Variants in CGNL1 observed in about 807,000 individuals in gnomAD.
CGNL1 encodes the protein cingulin like 1, also known as cingulin-like protein 1.
Under a neutral mutation model 141.2 loss-of-function variants are expected in CGNL1, and 132 were observed. The ratio of observed to expected loss-of-function variants is 0.93; its 90% CI spans 0.81 to 1.08. The LOEUF (loss-of-function observed/expected upper bound fraction) is 1.08, where lower values mean the gene tolerates loss of function less well. Ranked by LOEUF, CGNL1 falls within the 50% of genes least tolerant of loss-of-function variation. CGNL1 has a pLI of 0.00. For synonymous variants in CGNL1, 690 were observed against 622.1 expected, an observed-to-expected ratio of 1.11 and a Z score of -1.63; for missense variants, 1,870 against 1,588.6, an observed-to-expected ratio of 1.18 and a Z score of -3.01.
chr15:57,546,763 G>A (rs184647556), intron 18 of CGNL1, among the ~76,000 whole-genome samples: 135 of 152,232 alleles, frequency 8.9e-4, no homozygotes, highest in African/African-American at 2.9e-3. Flanking sequence ...GTCTCTCCCC[G>A]GGGTATGAGG....
rs371383994 is a variant in CGNL1, at chr15:57,546,073, C to T, written c.3610-3C>T. 6.2e-7 allele frequency: 1 copy of T among 1,611,556 alleles called. No individual in the cohort carries two copies. On this transcript the variant is annotated splice_polypyrimidine_tract_variant and splice_region_variant and intron_variant, in intron 17 of 18. Transcript: ENST00000281282. ...ACTCAGCCCACATTCTCTCCCGGTG[C>T]AGCTGAGCTTGCGTTTGAAAGCCAT...
chr15:57,521,395 A>C (rs1375506189), intron 10 of CGNL1, among the ~76,000 whole-genome samples: 2 of 152,198 alleles, frequency 1.3e-5, no homozygotes, highest in Non-Finnish European at 2.9e-5. Flanking sequence ...TTTTAAGTAC[A>C]GACACCCCAT....
chr15:57,476,728 A>G (rs1462730378), intron 8 of CGNL1, among the ~76,000 whole-genome samples: 1 of 152,252 alleles, frequency 6.6e-6, no homozygotes, highest in East Asian at 1.9e-4. Context: ...AGTCATCTCT[A>G]GGGAACAGAA....
intron 8 of CGNL1, 22 bp from the exon 9 acceptor site, chr15:57,516,758 A>G: frequency 1.9e-6 from 3 of 1,611,824 alleles, no homozygotes; most frequent in Middle Eastern, 3.4e-4. Flanking sequence ...CTCCTTGTTC[A>G]TTTGCTTTGT....
intron 8 of CGNL1, among the ~76,000 whole-genome samples, chr15:57,513,560 G>C (rs143762938): frequency 6.6e-6 from 1 of 151,754 alleles, no homozygotes; most frequent in Non-Finnish European, 1.5e-5. Flanking sequence ...CACTCTTGTC[G>C]CCCAGCCTGG....
chr15:57,457,285 G>T (rs1306628586), intron 7 of CGNL1, among the ~76,000 whole-genome samples: 1 of 152,144 alleles, frequency 6.6e-6, no homozygotes, highest in African/African-American at 2.4e-5. Flanking sequence ...ATACATTGCC[G>T]TTCTCGACAT....
Position 57,550,540 on chromosome 15 carries a change from T to G in CGNL1, c.*3050T>G, listed in dbSNP as rs773958262. ...TGTATCTTTTATGGTTTTTCCTGCT[T>G]CTGAGTGTCGTTCTACAATGCCCGT... On this transcript the variant is annotated 3_prime_UTR_variant, in exon 19 of 19. Transcript: ENST00000281282. The G allele has an allele frequency of 5.9e-5, 9 of 152,622 alleles. No individual in the cohort carries two copies. Among genetic ancestry groups the G allele is most frequent in the African/African-American group, 1.4e-4 (6 of 41,446 alleles). The allele number at this position is 152,622 out of a possible 1,614,324, so 9.5% of individuals were successfully genotyped here. A position where few individuals can be genotyped will look rare whatever the true frequency, so the allele number is the denominator to read the frequency against.
intron 1 of CGNL1, among the ~76,000 whole-genome samples, chr15:57,431,303 TC>T (rs1326153435): frequency 3.3e-5 from 5 of 152,220 alleles, no homozygotes; most frequent in African/African-American, 1.2e-4. Flanking sequence ...GAAATTGTTT[TC>T]CCAGGGAGTT....
At chr15:57,405,729 G>T (rs1199400173) in intron 1 of CGNL1, among the ~76,000 whole-genome samples, 1 of 119,650 alleles carries the variant, frequency 8.4e-6, no homozygotes, top group Non-Finnish European at 1.7e-5. Flanking sequence ...CAGAAGGTGT[G>T]GACCTTTTCT....
At chr15:57,524,878 C>T (rs2031515605) in intron 12 of CGNL1, 127 bp downstream of exon 12, 3 of 941,048 alleles carry the variant, frequency 3.2e-6, no homozygotes, top group Non-Finnish European at 4.7e-6. Context: ...CTTCATTCTT[C>T]ACCTTCTGGA....
At chr15:57,457,671 G>A (rs1192110645) in intron 7 of CGNL1, among the ~76,000 whole-genome samples, 1 of 152,192 alleles carries the variant, frequency 6.6e-6, no homozygotes, top group Non-Finnish European at 1.5e-5. Flanking sequence ...AGAGGCGTGA[G>A]AGCCAAGTGA....
At chr15:57,492,312 T>C (rs187996678) in intron 8 of CGNL1, among the ~76,000 whole-genome samples, 27 of 152,306 alleles carry the variant, frequency 1.8e-4, no homozygotes, top group African/African-American at 6.3e-4. Context: ...CCTAACTTGA[T>C]TCATTTCCTC....
At chr15:57,524,550 G>A (rs201548505) in intron 11 of CGNL1, 31 bp from the exon 12 acceptor site, 2 of 1,595,348 alleles carry the variant, frequency 1.3e-6, no homozygotes, top group African/African-American at 1.3e-5. Flanking sequence ...AGCATCCCAG[G>A]GTGGGCTCAC....
At chr15:57,387,455 C>A (rs555542249) in intron 1 of CGNL1, among the ~76,000 whole-genome samples, 1 of 152,080 alleles carries the variant, frequency 6.6e-6, no homozygotes, top group African/African-American at 2.4e-5. Context: ...TTCTAATGAC[C>A]CTTGAAATGA....
chr15:57,454,106 G>T (rs948415959), intron 7 of CGNL1, among the ~76,000 whole-genome samples: 9 of 152,156 alleles, frequency 5.9e-5, no homozygotes, highest in Admixed American at 6.5e-5. Flanking sequence ...TTTTCAATAT[G>T]TACATTTTTG....
chr15:57,410,917 A>T (rs1350734311), intron 1 of CGNL1, among the ~76,000 whole-genome samples: 4 of 152,342 alleles, frequency 2.6e-5, no homozygotes, highest in African/African-American at 9.6e-5. Context: ...TTTGCTTGAA[A>T]ACAAGATGAT....
chr15:57,544,208 C>T (rs1049064456), intron 15 of CGNL1, among the ~76,000 whole-genome samples: 4 of 152,204 alleles, frequency 2.6e-5, no homozygotes, highest in Non-Finnish European at 5.9e-5. Flanking sequence ...GTTTGACATC[C>T]GGGAGTCTTA....
rs2137188 is a variant in CGNL1, at chr15:57,461,663, G to A, written c.2191-17G>A. The A allele has an allele frequency of 1.6e-3, 2,634 of 1,608,174 alleles. 29 individuals are homozygous for A. In the African/African-American group the frequency reaches 0.027, roughly 16 times the overall value. On this transcript the variant is annotated splice_polypyrimidine_tract_variant and intron_variant, in intron 7 of 18. Transcript: ENST00000281282. ...TGTTTCATTGTCACCTTCTCCCTTC[G>A]TGTTTCCTCTCTCTAGGAGCTCTTA...
In CGNL1 at chr15:57,452,213, G is replaced by A. The variant is rs770027591; in HGVS notation, c.1978G>A (p.Glu660Lys). The change falls in exon 6 of 19, where the codon GAA (glutamate) becomes AAA (lysine). Residue 660 changes from glutamate (E) to lysine (K), a missense_variant. By Grantham distance (56) the Glu-to-Lys change is moderately conservative. Coordinates refer to ENST00000281282, the MANE Select transcript of CGNL1 (RefSeq NM_032866.5). ...NLEELRSQHNEKVEENSTLQQ... is the reference protein window; with the variant it reads ...NLEELRSQHNKKVEENSTLQQ... ...AGAAGAGCTCCGAAGCCAACACAACGAAAAGGTGGAGGAGAACTCCACATT... is the reference window on the plus strand; with the variant it reads ...AGAAGAGCTCCGAAGCCAACACAACAAAAAGGTGGAGGAGAACTCCACATT... The A allele has an allele frequency of 8.1e-6, 13 of 1,613,892 alleles. No homozygotes were observed. Among genetic ancestry groups the A allele is most frequent in the African/African-American group, 5.3e-5 (4 of 74,894 alleles).
Sources: gnomAD v4.1 joint callset for allele counts (sites outside exome capture counted in the v4.1 genomes callset) on GRCh38, gnomAD v4.1.1 for gene constraint, MANE v1.5 for transcripts, NCBI Gene and HGNC (gene_info 2026-07-23, HGNC 2026-07-21) for gene names.